Variants in NDUFA12 observed in about 807,000 individuals in gnomAD.
The protein encoded by NDUFA12 is NADH:ubiquinone oxidoreductase subunit A12.
Under a neutral mutation model 20.3 loss-of-function variants are expected in NDUFA12, and 17 were observed. The observed-to-expected ratio is 0.84, with a 90% CI of 0.57 to 1.26. The LOEUF is 1.26. NDUFA12 is among the 50% of genes most tolerant of loss of function. The probability of loss-of-function intolerance (pLI) is 0.00; values close to 1 mark genes in which losing one functional copy is unlikely to be tolerated. For missense variants in NDUFA12, 191 were observed against 183.7 expected (o/e 1.04, Z -0.23); for synonymous variants, 72 against 63.6 (o/e 1.13, Z -0.63).
intron 3 of NDUFA12, among the ~76,000 whole-genome samples, chr12:94,973,649 G>C (rs1464689434): frequency 2.6e-5 from 4 of 152,122 alleles, no homozygotes; most frequent in Non-Finnish European, 4.4e-5. Context: ...TGCCTATTCA[G>C]TTACTTAAGT....
chr12:94,977,271 AG>A (rs1874089150), intron 3 of NDUFA12, among the ~76,000 whole-genome samples: 1 of 152,160 alleles, frequency 6.6e-6, no homozygotes, highest in African/African-American at 2.4e-5. Flanking sequence ...CCAAGGTTGG[AG>A]GATCACTTGA....
intron 3 of NDUFA12, among the ~76,000 whole-genome samples, chr12:94,983,825 C>T (rs149560014): frequency 2.6e-4 from 40 of 152,094 alleles, no homozygotes; most frequent in Non-Finnish European, 1.5e-5. Flanking sequence ...TTATTCTTCA[C>T]AGCAACCACA....
At chr12:94,999,980 T>C (rs1007876497) in intron 2 of NDUFA12, among the ~76,000 whole-genome samples, 4 of 152,204 alleles carry the variant, frequency 2.6e-5, no homozygotes, top group African/African-American at 9.6e-5. Context: ...ACTGGGTATG[T>C]ACCCAAAGAA....
At chr12:94,999,901 A>T (rs948231339) in intron 2 of NDUFA12, among the ~76,000 whole-genome samples, 16 of 152,240 alleles carry the variant, frequency 1.1e-4, no homozygotes, top group African/African-American at 3.9e-4. Context: ...TACAACAACT[A>T]TGGAAAACAG....
chr12:95,003,629 C>T lies in NDUFA12; in HGVS notation c.52G>A (p.Gly18Ser). The change falls in exon 1 of 4, where the codon GGC (glycine) becomes AGC (serine). Residue 18 changes from glycine to serine, a missense_variant. Transcript: ENST00000327772. ...ACCCGTAGATAGCCTCGGAGACCGC[C>T]GTGGCCGGTGATCTGCTGCAGCCCG... is the stretch of plus-strand genomic sequence containing the variant. ...KRGLQQITGH[G>S]GLRGYLRVFF... 10 of 1,614,202 alleles carry T rather than the reference C, an allele frequency of 6.2e-6. No homozygotes were observed. Among genetic ancestry groups the T allele is most frequent in the Non-Finnish European group, 8.5e-6 (10 of 1,180,040 alleles).
chr12:95,002,462 A>AAAG (rs1565821062), intron 2 of NDUFA12, among the ~76,000 whole-genome samples: 1 of 132,842 alleles, frequency 7.5e-6, no homozygotes, highest in Non-Finnish European at 1.6e-5. Flanking sequence ...AAAAAAAAAA[A>AAAG]AAGAACAAAA....
intron 3 of NDUFA12, among the ~76,000 whole-genome samples, chr12:94,979,154 G>A (rs1215253499): frequency 2.0e-5 from 3 of 152,122 alleles, no homozygotes; most frequent in Non-Finnish European, 4.4e-5. Context: ...CTTGAGCCCA[G>A]GAGTTCAAGG....
chr12:94,986,179 T>C (rs1238814842), intron 3 of NDUFA12, among the ~76,000 whole-genome samples: 1 of 151,894 alleles, frequency 6.6e-6, no homozygotes, highest in Non-Finnish European at 1.5e-5. Context: ...ATATTGAAGC[T>C]GTAGTGGGCT....
At chr12:94,991,058 C>T (rs552224621) in intron 3 of NDUFA12, among the ~76,000 whole-genome samples, 4 of 151,990 alleles carry the variant, frequency 2.6e-5, no homozygotes, top group South Asian at 2.1e-4. Context: ...CAGAGGTTGG[C>T]GAATCATTTG....
chr12:94,986,112 A>AATAAATAC (rs1258799227), intron 3 of NDUFA12, among the ~76,000 whole-genome samples: 1 of 128,188 alleles, frequency 7.8e-6, no homozygotes, highest in African/African-American at 2.8e-5. Flanking sequence ...TAAATAAATA[A>AATAAATAC]ATAAGCTAGT....
intron 3 of NDUFA12, among the ~76,000 whole-genome samples, chr12:94,993,484 G>T (rs577815131): frequency 2.0e-5 from 3 of 150,532 alleles, no homozygotes; most frequent in Non-Finnish European, 4.4e-5. Flanking sequence ...AATTAGCCAG[G>T]CGTGGTAGCA....
chr12:94,992,714 C>A (rs368815978), intron 3 of NDUFA12, among the ~76,000 whole-genome samples: 2 of 152,202 alleles, frequency 1.3e-5, no homozygotes, highest in African/African-American at 2.4e-5. Flanking sequence ...TTCCAACCCA[C>A]AGGCCCAACT....
At position 95,002,744 on chromosome 12, in the gene NDUFA12, A is replaced by C. The variant is rs997691474; in HGVS notation, c.164T>G (p.Phe55Cys). ...GNKYYEDNKQ[F>C]FGRHRWVVYT... Reference sequence around the variant, plus strand: ...CTAAAAAATACTGCACTCACCAAAAAATTGCTTGTTGTCTTCATAGTATTT... The same window carrying C: ...CTAAAAAATACTGCACTCACCAAAACATTGCTTGTTGTCTTCATAGTATTT... Residue 55 changes from phenylalanine to cysteine, a missense_variant, in exon 2 of 4, where the codon TTT becomes TGT. Phe to Cys is a radical substitution (Grantham distance 205, BLOSUM62 -2). Transcript: ENST00000327772. 3 of 1,613,318 alleles carry C rather than the reference A, an allele frequency of 1.9e-6. No homozygotes were observed. Among genetic ancestry groups the C allele is most frequent in the Non-Finnish European group, 2.5e-6 (3 of 1,179,302 alleles).
chr12:95,001,082 A>G (rs1300345904), intron 2 of NDUFA12, among the ~76,000 whole-genome samples: 1 of 152,202 alleles, frequency 6.6e-6, no homozygotes, highest in East Asian at 1.9e-4. Context: ...AGACAAGAGG[A>G]TGGCTTAAGC....
At chr12:94,991,503 G>A (rs1467880368) in intron 3 of NDUFA12, among the ~76,000 whole-genome samples, 1 of 151,912 alleles carries the variant, frequency 6.6e-6, no homozygotes, top group Admixed American at 6.6e-5. Context: ...CAAAGTGGGT[G>A]GATCACTCGG....
At chr12:94,993,631 A>G (rs1259368247) in intron 3 of NDUFA12, among the ~76,000 whole-genome samples, 4 of 111,632 alleles carry the variant, frequency 3.6e-5, no homozygotes, top group Admixed American at 1.9e-4. Flanking sequence ...TCTCAAAAAA[A>G]AAAAAAAAAA....
intron 3 of NDUFA12, among the ~76,000 whole-genome samples, chr12:94,991,508 A>T (rs553638320): frequency 6.6e-6 from 1 of 151,864 alleles, no homozygotes; most frequent in Non-Finnish European, 1.5e-5. Flanking sequence ...TGGGTGGATC[A>T]CTCGGGGCCA....
At position 94,982,136 on chromosome 12, in the gene NDUFA12, T is replaced by C. The variant is rs143478115; in HGVS notation, c.258-10516A>G. ...ACTATCATAGGCCACACTTGGCATC[T>C]GAGAACTCAGGACAGAGGACAGGAA... On this transcript the variant is annotated intron_variant, in intron 3 of 3. Transcript: ENST00000327772. Among the ~76,000 whole-genome samples, 502 of 152,338 alleles carry C rather than the reference T, an allele frequency of 3.3e-3. 3 individuals are homozygous for C. The highest frequency in any genetic ancestry group is 5.8e-3 in the Non-Finnish European group (394 of 68,034).
chr12:95,003,650 G>A lies in NDUFA12; in HGVS notation c.31C>T (p.Leu11=). 1.2e-6 allele frequency: 2 copies of A among 1,614,170 alleles called. No individual in the cohort carries two copies. Among genetic ancestry groups the A allele is most frequent in the Non-Finnish European group, 1.7e-6 (2 of 1,180,040 alleles). The part of the protein sequence containing the change: MELVQVLKRG[L]QQITGHGGLR... ...CCGCCGTGGCCGGTGATCTGCTGCA[G>A]CCCGCGTTTCAGGACCTGCACTAAC... Residue 11 remains leucine (L), a synonymous_variant, in exon 1 of 4, where the codon CTG becomes TTG. Transcript: ENST00000327772.
Sources: gnomAD v4.1 joint callset for allele counts (sites outside exome capture counted in the v4.1 genomes callset) on GRCh38, gnomAD v4.1.1 for gene constraint, MANE v1.5 for transcripts, NCBI Gene and HGNC (gene_info 2026-07-23, HGNC 2026-07-21) for gene names.